The following LAMA5 variants were observed in gnomAD, a reference collection of about 807,000 sequenced individuals.
The protein encoded by LAMA5 is laminin subunit alpha 5.
A neutral mutation model predicts 433.4 loss-of-function variants in LAMA5; 260 were observed. That is an observed-to-expected ratio of 0.60 (90% CI 0.54 to 0.66). LAMA5 has a LOEUF of 0.66. Among genes scored for constraint, LAMA5 ranks in the 30% least tolerant of loss-of-function variants. The pLI, the probability that LAMA5 is intolerant of heterozygous loss-of-function variation, is 0.00. For synonymous variants in LAMA5, 2,620 were observed against 2,226.6 expected (o/e 1.18, Z -4.97); for missense variants, 5,378 against 5,258.5 (o/e 1.02, Z -0.70).
In LAMA5 at chr20:62,328,403, T is replaced by C. The variant is rs1246431965; in HGVS notation, c.4490A>G (p.Gln1497Arg). The C allele has an allele frequency of 3.2e-6, 5 of 1,542,644 alleles. No individual in the cohort carries two copies. Among genetic ancestry groups the C allele is most frequent in the African/African-American group, 1.3e-5 (1 of 74,090 alleles). ...GARLCDELTG[Q>R]CICPPRTIPP... ...GATGGTGCGTGGCGGGCAGATGCAC[T>C]GGCCCGTGAGCTCGTCACAGAGGCG... is the stretch of plus-strand genomic sequence containing the variant. The change falls in exon 35 of 80, where the codon CAG (glutamine) becomes CGG (arginine). Residue 1497 changes from glutamine (Q) to arginine (R), a missense_variant. Coordinates refer to ENST00000252999, the MANE Select transcript of LAMA5 (RefSeq NM_005560.6).
At chr20:62,337,095 C>T in intron 16 of LAMA5, 2 of 606,290 alleles carry the variant, frequency 3.3e-6, no homozygotes, top group Non-Finnish European at 6.2e-6. Context: ...CGTGAAGATG[C>T]ACCCACTACA....
In LAMA5 at chr20:62,352,140, C is replaced by A. The variant is rs974883986; in HGVS notation, c.688-61G>T. ...AGCCCCTGCTCAGCACTGCCCCTCC[C>A]GGGCCCACCTTTCCCTTCTCCAGCC... On this transcript the variant is annotated intron_variant, in intron 4 of 79. Coordinates refer to ENST00000252999, the MANE Select transcript of LAMA5 (RefSeq NM_005560.6). The A allele has an allele frequency of 3.8e-6, 6 of 1,587,410 alleles. No homozygotes were observed. The African/African-American group carries it at 8.0e-5, about 21-fold the overall frequency.
chr20:62,322,049 C>T lies in LAMA5; in HGVS notation c.6466G>A (p.Gly2156Arg), dbSNP rs745400948. Residue 2156 changes from glycine to arginine, a missense_variant, in exon 48 of 80, where the codon GGG becomes AGG. Gly to Arg is a moderately radical substitution (Grantham distance 125). Transcript: ENST00000252999. ...CAGTGGATGCTGTGGCCCACAGGCC[C>T]GCCTGGAACAGGCACCTGATGCTGC... ...SQQHQVPVPG[G>R]PVGHSIHCEV... 40 of 1,599,266 alleles carry T rather than the reference C, an allele frequency of 2.5e-5. No individual in the cohort carries two copies. Among genetic ancestry groups the T allele is most frequent in the African/African-American group, 1.2e-4 (9 of 74,802 alleles).
In LAMA5 at chr20:62,322,101, G is replaced by C; in HGVS notation, c.6414C>G (p.Ser2138Arg). ...TGRCNCPPGL[S>R]GERCDTCSQQ... is the part of the protein sequence containing the mutation. The stretch of plus-strand genomic sequence containing the variant: ...GGCTGCAGGTGTCGCAGCGCTCCCC[G>C]CTGAGCCCCGGGGGGCAGTTGCAGC... The change falls in exon 48 of 80, where the codon AGC becomes AGG. Residue 2138 changes from serine (S) to arginine (R), a missense_variant. Coordinates refer to ENST00000252999, the MANE Select transcript of LAMA5 (RefSeq NM_005560.6). 1 of 1,602,548 alleles carries C rather than the reference G, an allele frequency of 6.2e-7. No homozygotes were observed. The highest frequency in any genetic ancestry group is 8.5e-7 in the Non-Finnish European group (1 of 1,179,116).
chr20:62,310,163 C>T lies in LAMA5; in HGVS notation c.10734+15G>A. 1 of 1,612,254 alleles carries T rather than the reference C, an allele frequency of 6.2e-7. No homozygotes were observed. The highest frequency in any genetic ancestry group is 1.1e-5 in the South Asian group (1 of 91,084). ...GGCAAACCCTGCCCTGGCACGCCAC[C>T]TCTGCCAGGCTTACTTGCTTCTCGG... On this transcript the variant is annotated intron_variant, in intron 77 of 79. Coordinates refer to ENST00000252999, the MANE Select transcript of LAMA5 (RefSeq NM_005560.6).
intron 2 of LAMA5, 186 bp from the exon 3 acceptor site, chr20:62,353,437 A>T: frequency 1.9e-6 from 1 of 517,794 alleles, no homozygotes; most frequent in South Asian, 2.6e-5. Context: ...CTCCCCAGGG[A>T]TGGAGATGAG....
rs987730454 is a variant in LAMA5 at position 62,347,106 on chromosome 20, C to T, written c.957-78G>A. On this transcript the variant is annotated intron_variant, in intron 6 of 79. Transcript: ENST00000252999. ...GTGCTCAGTCCCTTCCCTGAAGGGG[C>T]CTGTGATCCCCTCGATGGCTTGGCT... The T allele has an allele frequency of 6.5e-6, 7 of 1,076,312 alleles. No homozygotes were observed. In the Admixed American group the frequency reaches 1.0e-4, roughly 15 times the overall value. The allele number at this position is 1,076,312 out of a possible 1,614,324, so 66.7% of individuals were successfully genotyped here.
intron 41 of LAMA5, 147 bp downstream of exon 41, chr20:62,325,169 A>C: frequency 1.7e-6 from 1 of 573,788 alleles, no homozygotes. Flanking sequence ...TGAGTTGGCC[A>C]GCAGCCTGTG....
At position 62,336,457 on chromosome 20, in the gene LAMA5, C is replaced by T. The variant is rs764525096; in HGVS notation, c.2218-12G>A. The T allele has an allele frequency of 1.2e-6, 2 of 1,607,508 alleles. No individual in the cohort carries two copies. Among genetic ancestry groups the T allele is most frequent in the Non-Finnish European group, 1.7e-6 (2 of 1,175,900 alleles). On this transcript the variant is annotated splice_polypyrimidine_tract_variant and intron_variant, in intron 17 of 79. Transcript: ENST00000252999. ...CAGGGAACCTGTGCCTGGGAGAGGA[C>T]AAGACTGCAGGTCAGAGCGGGCGCC...
At position 62,333,192 on chromosome 20, in the gene LAMA5, C is replaced by T. The variant is rs1035671123; in HGVS notation, c.3180G>A (p.Gly1060=). 2 of 1,521,952 alleles carry T rather than the reference C, an allele frequency of 1.3e-6. No individual in the cohort carries two copies. The highest frequency in any genetic ancestry group is 1.4e-5 in the African/African-American group (1 of 72,022). The allele number at this position is 1,521,952 out of a possible 1,614,324, so 94.3% of individuals were successfully genotyped here. A position where few individuals can be genotyped will look rare whatever the true frequency, so the allele number is the denominator to read the frequency against. Residue 1060 remains glycine, a synonymous_variant, in exon 26 of 80, where the codon GGG becomes GGA. Coordinates refer to ENST00000252999, the MANE Select transcript of LAMA5 (RefSeq NM_005560.6). ...LPLDGFPSAA[G]LEALCRQDNS... ...TGTCCTGGCGACACAGGGCCTCCAGCCCGGCGGCCGAGGGGAAGCCATCCA... is the reference window on the plus strand; with the variant it reads ...TGTCCTGGCGACACAGGGCCTCCAGTCCGGCGGCCGAGGGGAAGCCATCCA...
chr20:62,361,359 C>T (rs1465348413), intron 2 of LAMA5, among the ~76,000 whole-genome samples: 3 of 151,854 alleles, frequency 2.0e-5, no homozygotes, highest in African/African-American at 7.3e-5. Flanking sequence ...GTTCAGGAAC[C>T]CCTGGAAATT....
intron 1 of LAMA5, among the ~76,000 whole-genome samples, chr20:62,366,464 TCTC>T (rs1378622420): frequency 6.6e-6 from 1 of 151,992 alleles, no homozygotes; most frequent in South Asian, 2.1e-4. Flanking sequence ...ACTTTGGAGG[TCTC>T]CTCGAGTCCC....
In LAMA5 at chr20:62,311,964, G is replaced by A. The variant is rs114698761; in HGVS notation, c.9591C>T (p.Ala3197=). The change falls in exon 70 of 80, where the codon GCC becomes GCT. Residue 3197 remains alanine (A), a synonymous_variant. Transcript: ENST00000252999. The part of the protein sequence containing the change: ...RTEVKTQAGF[A]DGAPHYVAFY... ...AGGCGACGTAATGGGGGGCACCATCGGCGAAGCCCGCTTGAGTTTTCACTT... is the reference window on the plus strand; with the variant it reads ...AGGCGACGTAATGGGGGGCACCATCAGCGAAGCCCGCTTGAGTTTTCACTT... The A allele has an allele frequency of 0.02, 32,425 of 1,612,656 alleles. 380 individuals are homozygous for A. The highest frequency in any genetic ancestry group is 0.023 in the Non-Finnish European group (26,990 of 1,179,880).
In LAMA5 at chr20:62,322,768, G is replaced by A; in HGVS notation, c.6065-10C>T. On this transcript the variant is annotated splice_polypyrimidine_tract_variant and intron_variant, in intron 45 of 79. Transcript: ENST00000252999. ...GGGGTACAGTCGCACCCTGCAGAAG[G>A]GGTCCGTGACTGCAGCCCTGGGCCC... 6.8e-7 allele frequency: 1 copy of A among 1,466,714 alleles called. No homozygotes were observed. The highest frequency in any genetic ancestry group is 9.0e-7 in the Non-Finnish European group (1 of 1,105,862). 90.9% of individuals were successfully genotyped at this position (1,466,714 alleles called of 1,614,324 possible). A position where few individuals can be genotyped will look rare whatever the true frequency, so the allele number is the denominator to read the frequency against.
chr20:62,311,173 T>A lies in LAMA5; in HGVS notation c.10077A>T (p.Arg3359=). The change falls in exon 73 of 80, where the codon CGA becomes CGT. Residue 3359 remains arginine, a synonymous_variant. Transcript: ENST00000252999. ...GGGCCTGGCCTTACCAGTTCCTATGTCGGGCCAGGATGCCCACAAACTCCA... is the reference window on the plus strand; with the variant it reads ...GGGCCTGGCCTTACCAGTTCCTATGACGGGCCAGGATGCCCACAAACTCCA... ...SHLEFVGILA[R]HRNWPSLSMH... 6.3e-7 allele frequency: 1 copy of A among 1,597,842 alleles called. No homozygotes were observed. The highest frequency in any genetic ancestry group is 1.3e-5 in the African/African-American group (1 of 74,292).
chr20:62,310,909 C>A lies in LAMA5; in HGVS notation c.10274G>T (p.Trp3425Leu), dbSNP rs755089289. 6.2e-7 allele frequency: 1 copy of A among 1,610,374 alleles called. No homozygotes were observed. ...CTTCTTCTCGGCCCTCACCTTGTGC[C>A]AGCGGCCAGGCCGGGAGCGCTGGCG... ...QSRQRSRPGR[W>L]HKVSVRWEKN... Residue 3425 changes from tryptophan to leucine, a missense_variant, in exon 74 of 80, where the codon TGG becomes TTG. Transcript: ENST00000252999.
rs188632992 is a variant in LAMA5, at chr20:62,315,023, C to T, written c.8047+5G>A. 22 of 1,586,720 alleles carry T rather than the reference C, an allele frequency of 1.4e-5. No homozygotes were observed. Among genetic ancestry groups the T allele is most frequent in the Admixed American group, 6.8e-5 (4 of 58,882 alleles). On this transcript the variant is annotated splice_donor_5th_base_variant and intron_variant, in intron 59 of 79. Transcript: ENST00000252999. ...TCAGGGGCACCGCGAGGGCCATGGGCGCACCTGAGTGGCCTGCGTCAAGCA... is the reference window on the plus strand; with the variant it reads ...TCAGGGGCACCGCGAGGGCCATGGGTGCACCTGAGTGGCCTGCGTCAAGCA...
rs753818359 is a variant in LAMA5, at chr20:62,314,732, G to A, written c.8197-7C>T. On this transcript the variant is annotated splice_polypyrimidine_tract_variant and splice_region_variant and intron_variant, in intron 60 of 79. Transcript: ENST00000252999. ...ACTTCATGGGCACCTTGACCTGCGG[G>A]GCACGGTCCATCAGCGTCCACCACC... 6.2e-7 allele frequency: 1 copy of A among 1,612,470 alleles called. No homozygotes were observed. The highest frequency in any genetic ancestry group is 1.7e-5 in the Admixed American group (1 of 59,954).
Position 62,325,482 on chromosome 20 carries a change from G to C in LAMA5, c.5363C>G (p.Ala1788Gly). The change falls in exon 41 of 80, where the codon GCC becomes GGC. Residue 1788 changes from alanine to glycine, a missense_variant. Physicochemically the swap from Ala to Gly is moderately conservative, Grantham distance 60. Transcript: ENST00000252999. Reference sequence around the variant, plus strand: ...ACGGATCTGCAGCTGCTCCAGGCTGGCCAGCACCATCATGAGCTCCTCGCG... The same window carrying C: ...ACGGATCTGCAGCTGCTCCAGGCTGCCCAGCACCATCATGAGCTCCTCGCG... ...VSREELMMVL[A>G]SLEQLQIRAL... is the part of the protein sequence containing the mutation. 4 of 1,612,950 alleles carry C rather than the reference G, an allele frequency of 2.5e-6. No homozygotes were observed. The highest frequency in any genetic ancestry group is 1.1e-5 in the South Asian group (1 of 91,068).
Sources: gnomAD v4.1 joint callset for allele counts (sites outside exome capture counted in the v4.1 genomes callset) on GRCh38, gnomAD v4.1.1 for gene constraint, MANE v1.5 for transcripts, NCBI Gene and HGNC (gene_info 2026-07-23, HGNC 2026-07-21) for gene names.